Variants in PRSS8 observed in about 807,000 individuals in gnomAD.
PRSS8 encodes the protein serine protease 8.
Under a neutral mutation model 26.7 loss-of-function variants are expected in PRSS8, and 11 were observed. That is an observed-to-expected ratio of 0.41 (90% CI 0.26 to 0.68). The LOEUF is 0.68. Among genes scored for constraint, PRSS8 ranks in the 30% least tolerant of loss-of-function variants. The pLI is 0.30. For missense variants in PRSS8, 362 were observed against 443.5 expected (o/e 0.82, Z 1.65); for synonymous variants, 183 against 187.0 (o/e 0.98, Z 0.17).
At chr16:31,134,975 C>T (rs1176869471) in intron 2 of PRSS8, 179 bp downstream of exon 2, 1 of 711,744 alleles carries the variant, frequency 1.4e-6, no homozygotes, top group Non-Finnish European at 2.3e-6. Context: ...GCAGTGTGCC[C>T]TGGGCAAGTC....
rs760018677 is a variant in PRSS8, at chr16:31,132,953, G to A, written c.267C>T (p.Ser89=). Residue 89 remains serine (S), a splice_region_variant and synonymous_variant, in exon 4 of 6, where the codon AGC becomes AGT. Coordinates refer to ENST00000317508, the MANE Select transcript of PRSS8 (RefSeq NM_002773.5). The surrounding 1 kb of genome is among the most constrained non-coding windows in gnomAD (Gnocchi z 5.2). ...WVLSAAHCFP[S]EHHKEAYEVK... is the part of the protein sequence containing the mutation. ...CCTCATAGGCTTCCTTGTGGTGCTC[G>A]CTGCAGGCAGGGGGCAAAGGCTGAG... 2.7e-5 allele frequency: 43 copies of A among 1,603,320 alleles called. No individual in the cohort carries two copies. Among genetic ancestry groups the A allele is most frequent in the Middle Eastern group, 3.3e-4 (2 of 6,026 alleles).
chr16:31,133,003 C>A lies in PRSS8; in HGVS notation c.267-50G>T. On this transcript the variant is annotated intron_variant, in intron 3 of 5. Coordinates refer to ENST00000317508, the MANE Select transcript of PRSS8 (RefSeq NM_002773.5). This position sits in a 1 kb window ranked among gnomAD's most constrained non-coding sequence, Gnocchi z 4.7. ...GACCCAGGAGACCTCTCCTTGTTCC[C>A]CAACCCCCACTGCCAACCCCTGATT... The A allele has an allele frequency of 6.3e-7, 1 of 1,583,538 alleles. No homozygotes were observed. Among genetic ancestry groups the A allele is most frequent in the South Asian group, 1.2e-5 (1 of 86,858 alleles).
chr16:31,135,285 G>A, intron 1 of PRSS8, 114 bp from the exon 2 acceptor site: 3 of 1,591,674 alleles, frequency 1.9e-6, no homozygotes, highest in East Asian at 2.2e-5. Flanking sequence ...GCCAAGGTGG[G>A]AAAGAGAGGC....
At chr16:31,134,966 C>T (rs2057597842) in intron 2 of PRSS8, 188 bp downstream of exon 2, 1 of 655,886 alleles carries the variant, frequency 1.5e-6, no homozygotes, top group Non-Finnish European at 2.6e-6. Context: ...CCTTCACTGG[C>T]AGTGTGCCCT....
chr16:31,134,251 A>T (rs1434838737), intron 2 of PRSS8: 1 of 152,214 alleles, frequency 6.6e-6, no homozygotes, highest in Non-Finnish European at 1.5e-5. Flanking sequence ...TGCAGACCAG[A>T]TCTTTCTCTC....
At position 31,135,470 on chromosome 16, in the gene PRSS8, C is replaced by T. The variant is rs772712700; in HGVS notation, c.29G>A (p.Gly10Glu). The change falls in exon 1 of 6, where the codon GGG becomes GAG. Residue 10 changes from glycine (G) to glutamate (E), a missense_variant. Gly to Glu is a moderately conservative substitution (Grantham distance 98, BLOSUM62 -2). Transcript: ENST00000317508. Reference protein sequence around the residue: MAQKGVLGPGQLGAVAILLY... With the variant: MAQKGVLGPEQLGAVAILLY... ...CAGAATGGCCACAGCCCCCAGCTGCCCAGGCCCCAGGACCCCCTTCTGGGC... is the reference window on the plus strand; with the variant it reads ...CAGAATGGCCACAGCCCCCAGCTGCTCAGGCCCCAGGACCCCCTTCTGGGC... 8.2e-6 allele frequency: 13 copies of T among 1,582,864 alleles called. No homozygotes were observed. In the East Asian group the frequency reaches 2.6e-4, roughly 31 times the overall value.
In PRSS8 at chr16:31,132,561, G is replaced by A. The variant is rs1277518909; in HGVS notation, c.573C>T (p.Leu191=). The A allele has an allele frequency of 6.8e-6, 11 of 1,613,934 alleles. No homozygotes were observed. The highest frequency in any genetic ancestry group is 1.3e-5 in the African/African-American group (1 of 74,930). ...SLLTPKPLQQ[L]EVPLISRETC... is the part of the protein sequence containing the mutation. Reference sequence around the variant, plus strand: ...TCTCACGACTGATCAGAGGCACCTCGAGTTGCTGCAGTGGCTTGGGCGTCA... The same window carrying A: ...TCTCACGACTGATCAGAGGCACCTCAAGTTGCTGCAGTGGCTTGGGCGTCA... Residue 191 remains leucine (L), a synonymous_variant, in exon 5 of 6, where the codon CTC becomes CTT. Coordinates refer to ENST00000317508, the MANE Select transcript of PRSS8 (RefSeq NM_002773.5). This position sits in a 1 kb window ranked among gnomAD's most constrained non-coding sequence, Gnocchi z 5.2.
At position 31,132,695 on chromosome 16, in the gene PRSS8, A is replaced by G. The variant is rs575874107; in HGVS notation, c.525T>C (p.His175=). 22 of 1,613,944 alleles carry G rather than the reference A, an allele frequency of 1.4e-5. No homozygotes were observed. Among genetic ancestry groups the G allele is most frequent in the South Asian group, 1.3e-4 (12 of 91,088 alleles). ...GTCCCACCTCACCTGAGGGGGCCACATGACCCCAGCCAGTGACAGTGCAGT... is the reference window on the plus strand; with the variant it reads ...GTCCCACCTCACCTGAGGGGGCCACGTGACCCCAGCCAGTGACAGTGCAGT... ...GLHCTVTGWG[H]VAPSVSLLTP... The change falls in exon 4 of 6, where the codon CAT becomes CAC. Residue 175 remains histidine, a synonymous_variant. Transcript: ENST00000317508. This position sits in a 1 kb window ranked among gnomAD's most constrained non-coding sequence, Gnocchi z 5.2.
rs767229789 is a variant in PRSS8 at position 31,133,432 on chromosome 16, A to C, written c.104-44T>G. 11 of 1,605,782 alleles carry C rather than the reference A, an allele frequency of 6.9e-6. No individual in the cohort carries two copies. The highest frequency in any genetic ancestry group is 8.5e-6 in the Non-Finnish European group (10 of 1,177,712). On this transcript the variant is annotated intron_variant, in intron 2 of 5. Coordinates refer to ENST00000317508, the MANE Select transcript of PRSS8 (RefSeq NM_002773.5). The surrounding 1 kb of genome is among the most constrained non-coding windows in gnomAD (Gnocchi z 4.7). ...AAGGGGTCAGGTTGTTAGCCTGGCCACTCCTATGCAGCCCAGGAGCTCTGA... is the reference window on the plus strand; with the variant it reads ...AAGGGGTCAGGTTGTTAGCCTGGCCCCTCCTATGCAGCCCAGGAGCTCTGA...
At position 31,132,209 on chromosome 16, in the gene PRSS8, C is replaced by G. The variant is rs758840432; in HGVS notation, c.832G>C (p.Ala278Pro). 2.5e-6 allele frequency: 4 copies of G among 1,613,782 alleles called. No individual in the cohort carries two copies. Among genetic ancestry groups the G allele is most frequent in the Non-Finnish European group, 3.4e-6 (4 of 1,179,834 alleles). The change falls in exon 6 of 6, where the codon GCC becomes CCC. Residue 278 changes from alanine to proline, a missense_variant. By Grantham distance (27) the Ala-to-Pro change is conservative. Transcript: ENST00000317508. The surrounding 1 kb of genome is among the most constrained non-coding windows in gnomAD (Gnocchi z 5.2). Reference protein sequence around the residue: ...PGVYTLASSYASWIQSKVTEL... With the variant: ...PGVYTLASSYPSWIQSKVTEL... ...GTCACCTTGCTTTGGATCCAGGAGG[C>G]ATAGCTGGAGGCCAGAGTGTACACA... is the stretch of plus-strand genomic sequence containing the variant.
intron 2 of PRSS8, chr16:31,134,786 G>A (rs2057597241): frequency 3.8e-6 from 1 of 260,310 alleles, no homozygotes; most frequent in Non-Finnish European, 7.5e-6. Flanking sequence ...GATCACGTGA[G>A]CCCGGGAGGC....
chr16:31,135,663 G>A lies in PRSS8; in HGVS notation c.-165C>T, dbSNP rs912477858. On this transcript the variant is annotated 5_prime_UTR_variant, in exon 1 of 6. Coordinates refer to ENST00000317508, the MANE Select transcript of PRSS8 (RefSeq NM_002773.5). ...AAGGCTGGCCTCTAAGGCAGGGAGCGGCCGCAACGGGAGACGCCTGGAGTA... is the reference window on the plus strand; with the variant it reads ...AAGGCTGGCCTCTAAGGCAGGGAGCAGCCGCAACGGGAGACGCCTGGAGTA... 1.3e-5 allele frequency: 8 copies of A among 634,506 alleles called. No individual in the cohort carries two copies. Among genetic ancestry groups the A allele is most frequent in the African/African-American group, 3.7e-5 (2 of 54,300 alleles). 39.3% of individuals were successfully genotyped at this position (634,506 alleles called of 1,614,324 possible).
At position 31,135,265 on chromosome 16, in the gene PRSS8, C is replaced by A. The variant is rs753126698; in HGVS notation, c.86-94G>T. On this transcript the variant is annotated intron_variant, in intron 1 of 5. Transcript: ENST00000317508. ...CACTGCTCCAGAGGGCTGGCCCCTT[C>A]CCTGACAGAGCCAAGGTGGGAAAGA... is the stretch of plus-strand genomic sequence containing the variant. 1.3e-5 allele frequency: 21 copies of A among 1,601,784 alleles called. 1 individual carries two copies. In the South Asian group the frequency reaches 2.1e-4, roughly 16 times the overall value.
At position 31,132,093 on chromosome 16, in the gene PRSS8, T is replaced by C. The variant is rs780739779; in HGVS notation, c.948A>G (p.Pro316=). ...GGATGGGCCTCAGCAAGCCCTGGGC[T>C]GGGGCAGAGCTGAAGGCCAGGTGGC... The part of the protein sequence containing the change: ...CGSHLAFSSA[P]AQGLLRPILF... The change falls in exon 6 of 6, where the codon CCA becomes CCG. Residue 316 remains proline (P), a synonymous_variant. Transcript: ENST00000317508. This position sits in a 1 kb window ranked among gnomAD's most constrained non-coding sequence, Gnocchi z 5.2. The C allele has an allele frequency of 4.3e-6, 7 of 1,610,002 alleles. No individual in the cohort carries two copies. The highest frequency in any genetic ancestry group is 5.9e-6 in the Non-Finnish European group (7 of 1,178,224).
rs536938584 is a variant in PRSS8 at position 31,133,082 on chromosome 16, C to G, written c.267-129G>C. On this transcript the variant is annotated intron_variant, in intron 3 of 5. Coordinates refer to ENST00000317508, the MANE Select transcript of PRSS8 (RefSeq NM_002773.5). This position sits in a 1 kb window ranked among gnomAD's most constrained non-coding sequence, Gnocchi z 4.7. ...GCACCTTAGTTTTATCATGTAACCT[C>G]TGACCCCTCACCTTCACTCCTAACT... is the stretch of plus-strand genomic sequence containing the variant. 51 of 1,575,430 alleles carry G rather than the reference C, an allele frequency of 3.2e-5. No homozygotes were observed. In the African/African-American group the frequency reaches 6.6e-4, roughly 20 times the overall value.
In PRSS8 at chr16:31,132,135, G is replaced by T. The variant is rs780342258; in HGVS notation, c.906C>A (p.Asp302Glu). Residue 302 changes from aspartate (D) to glutamate (E), a missense_variant, in exon 6 of 6, where the codon GAC becomes GAA. By Grantham distance (45) the Asp-to-Glu change is conservative. Coordinates refer to ENST00000317508, the MANE Select transcript of PRSS8 (RefSeq NM_002773.5). This position sits in a 1 kb window ranked among gnomAD's most constrained non-coding sequence, Gnocchi z 5.2. ...VVPQTQESQP[D>E]SNLCGSHLAF... ...CCAGGTGGCTGCCACAGAGGTTGCT[G>T]TCGGGCTGGGACTCCTGGGTTTGGG... 12 of 1,613,660 alleles carry T rather than the reference G, an allele frequency of 7.4e-6. No homozygotes were observed. The South Asian group carries it at 1.2e-4, about 16-fold the overall frequency.
chr16:31,135,403 T>G lies in PRSS8; in HGVS notation c.85+11A>C. 1 of 1,589,486 alleles carries G rather than the reference T, an allele frequency of 6.3e-7. No individual in the cohort carries two copies. Among genetic ancestry groups the G allele is most frequent in the Non-Finnish European group, 8.6e-7 (1 of 1,168,452 alleles). On this transcript the variant is annotated intron_variant, in intron 1 of 5. Transcript: ENST00000317508. Reference sequence around the variant, plus strand: ...GCATTGTCCCCACCCTGCCCCCACGTCCTCACTTACCTGTCCCCGACCGGA... The same window carrying G: ...GCATTGTCCCCACCCTGCCCCCACGGCCTCACTTACCTGTCCCCGACCGGA...
At position 31,132,444 on chromosome 16, in the gene PRSS8, G is replaced by A; in HGVS notation, c.690C>T (p.Gly230=). Residue 230 remains glycine, a synonymous_variant, in exon 5 of 6, where the codon GGC becomes GGT. Coordinates refer to ENST00000317508, the MANE Select transcript of PRSS8 (RefSeq NM_002773.5). This position sits in a 1 kb window ranked among gnomAD's most constrained non-coding sequence, Gnocchi z 5.2. ...CTGTGCTTACCTGGCAGGCGTCCTT[G>A]CCCCCCTCCACATAGCCAGCACACA... ...DMVCAGYVEG[G]KDACQGDSGG... is the part of the protein sequence containing the mutation. The A allele has an allele frequency of 1.2e-6, 2 of 1,613,888 alleles. No individual in the cohort carries two copies. Among genetic ancestry groups the A allele is most frequent in the African/African-American group, 1.3e-5 (1 of 75,062 alleles).
chr16:31,133,319 C>T lies in PRSS8; in HGVS notation c.173G>A (p.Trp58Ter). The T allele has an allele frequency of 6.2e-7, 1 of 1,613,990 alleles. No individual in the cohort carries two copies. The highest frequency in any genetic ancestry group is 2.2e-5 in the East Asian group (1 of 44,882). The change falls in exon 3 of 6, where the codon TGG becomes TAG. Residue 58 changes from tryptophan (W) to a stop codon, truncating the protein, a stop_gained. Coordinates refer to ENST00000317508, the MANE Select transcript of PRSS8 (RefSeq NM_002773.5). LOFTEE classifies it high-confidence loss of function. The surrounding 1 kb of genome is among the most constrained non-coding windows in gnomAD (Gnocchi z 4.7). Reference protein sequence around the residue: ...GSSAVAGQWPWQVSITYEGVH... With the variant: ...GSSAVAGQWP ...GCCTTCATAGGTGATGCTGACCTGC[C>T]AGGGCCACTGACCGGCGACTGCACT... is the stretch of plus-strand genomic sequence containing the variant.
Sources: gnomAD v4.1 joint callset for allele counts on GRCh38, gnomAD v4.1.1 for gene constraint, Gnocchi (gnomAD v3.1) non-coding constraint, MANE v1.5 for transcripts, NCBI Gene and HGNC (gene_info 2026-07-23, HGNC 2026-07-21) for gene names.